The following NRDE2 variants were observed in gnomAD, a reference collection of about 807,000 sequenced individuals.
NRDE2 encodes nuclear exosome regulator NRDE2.
NRDE2 carries 76 observed loss-of-function variants against 124.2 expected under a neutral mutation model. The observed-to-expected ratio is 0.61, with a 90% CI of 0.51 to 0.74. The LOEUF (loss-of-function observed/expected upper bound fraction) is 0.74, where lower values mean the gene tolerates loss of function less well. Among genes scored for constraint, NRDE2 ranks in the 30% least tolerant of loss-of-function variants. NRDE2 has a pLI of 0.00. For missense variants in NRDE2, 1,314 were observed against 1,417.3 expected, an observed-to-expected ratio of 0.93 and a Z score of 1.17; for synonymous variants, 489 against 528.1, an observed-to-expected ratio of 0.93 and a Z score of 1.01.
rs550373516 is a variant in NRDE2 at position 90,268,562 on chromosome 14, C to CA, written c.*9773dup. 1,108 of 713,896 alleles carry CA rather than the reference C, an allele frequency of 1.6e-3. 25 individuals are homozygous for CA. The South Asian group carries it at 0.02, about 13-fold the overall frequency. The allele number at this position is 713,896 out of a possible 1,614,324, so 44.2% of individuals were successfully genotyped here. On this transcript the variant is annotated 3_prime_UTR_variant, in exon 14 of 14. Coordinates refer to ENST00000354366, the MANE Select transcript of NRDE2 (RefSeq NM_017970.4). ...ATGCATGCTTTAGGCTCTGCTCTCCCAGGAGCCAGCTAACAACTGCCCAGT... is the reference window on the plus strand; with the variant it reads ...ATGCATGCTTTAGGCTCTGCTCTCCCAAGGAGCCAGCTAACAACTGCCCAGT...
chr14:90,320,095 T>C (rs1885188384), intron 1 of NRDE2, among the ~76,000 whole-genome samples: 1 of 152,236 alleles, frequency 6.6e-6, no homozygotes. Flanking sequence ...TTTCATGTGT[T>C]TATTAGCCAT....
At chr14:90,309,472 CAAAAAAAAAA>C (rs746289824) in intron 4 of NRDE2, among the ~76,000 whole-genome samples, 164 of 110,760 alleles carry the variant, frequency 1.5e-3, no homozygotes, top group Middle Eastern at 4.7e-3. Context: ...GACTCTGTCT[CAAAAAAAAAA>C]AAAAAAAAGA....
intron 1 of NRDE2, among the ~76,000 whole-genome samples, chr14:90,322,854 T>A (rs900417666): frequency 5.3e-5 from 8 of 152,250 alleles, no homozygotes; most frequent in African/African-American, 1.9e-4. Context: ...AACAGTTACA[T>A]CCTCACATAA....
At chr14:90,331,618 G>C (rs1261641086) in intron 1 of NRDE2, among the ~76,000 whole-genome samples, 1 of 152,190 alleles carries the variant, frequency 6.6e-6, no homozygotes, top group African/African-American at 2.4e-5. Flanking sequence ...GGCATCTGCT[G>C]GTCTTTCTCC....
chr14:90,291,776 A>G (rs952180117), intron 9 of NRDE2, among the ~76,000 whole-genome samples: 2 of 152,132 alleles, frequency 1.3e-5, no homozygotes, highest in African/African-American at 4.8e-5. Flanking sequence ...CGCTCCTGGC[A>G]CTCTGGGGCC....
At position 90,271,601 on chromosome 14, in the gene NRDE2, TG is replaced by T. The variant is rs1444580998; in HGVS notation, c.*6734del. ...ATAAGTAAATGAAATAGACATATAC[TG>T]TCAATTGCCTCTAAGTTTCAGGGCA... On this transcript the variant is annotated 3_prime_UTR_variant, in exon 14 of 14. Transcript: ENST00000354366. 1.3e-5 allele frequency: 2 copies of T among 152,230 alleles called. No individual in the cohort carries two copies. The highest frequency in any genetic ancestry group is 2.9e-5 in the Non-Finnish European group (2 of 68,052). 9.4% of individuals were successfully genotyped at this position (152,230 alleles called of 1,614,324 possible). A position where few individuals can be genotyped will look rare whatever the true frequency, so the allele number is the denominator to read the frequency against.
At chr14:90,284,339 G>A (rs1278168550) in intron 12 of NRDE2, among the ~76,000 whole-genome samples, 1 of 148,130 alleles carries the variant, frequency 6.8e-6, no homozygotes, top group Non-Finnish European at 1.5e-5. Flanking sequence ...AGGTCACTTT[G>A]TTTTTTTTCT....
chr14:90,314,146 A>G (rs1884956156), intron 3 of NRDE2, among the ~76,000 whole-genome samples: 1 of 152,190 alleles, frequency 6.6e-6, no homozygotes, highest in African/African-American at 2.4e-5. Flanking sequence ...AGCTGCCTCC[A>G]CCTGAAGGTG....
chr14:90,322,332 C>T (rs1459284747), intron 1 of NRDE2, among the ~76,000 whole-genome samples: 2 of 152,198 alleles, frequency 1.3e-5, no homozygotes, highest in Non-Finnish European at 2.9e-5. Context: ...CTCCCCTCCT[C>T]CCACCTGTCA....
At chr14:90,280,494 T>C (rs190830600) in intron 12 of NRDE2, 113 of 152,388 alleles carry the variant, frequency 7.4e-4, no homozygotes, top group East Asian at 1.4e-3. Flanking sequence ...ACTGACAAAA[T>C]GTAACAACCA....
rs1288134187 is a variant in NRDE2 at position 90,274,837 on chromosome 14, CA to C, written c.*3498del. The C allele has an allele frequency of 0.047, 3,149 of 67,178 alleles. 65 individuals are homozygous for C. Among genetic ancestry groups the C allele is most frequent in the Middle Eastern group, 0.12 (10 of 82 alleles). 4.2% of individuals were successfully genotyped at this position (67,178 alleles called of 1,614,324 possible). A position where few individuals can be genotyped will look rare whatever the true frequency, so the allele number is the denominator to read the frequency against. ...ACACACACACACACACACACACACA[CA>C]CCCCAATACATATGAATTGATCTGA... On this transcript the variant is annotated 3_prime_UTR_variant, in exon 14 of 14. Transcript: ENST00000354366.
At chr14:90,289,350 G>A (rs533860538) in intron 10 of NRDE2, among the ~76,000 whole-genome samples, 78 of 152,278 alleles carry the variant, frequency 5.1e-4, no homozygotes, top group African/African-American at 1.8e-3. Context: ...TATAATCCAG[G>A]GTTCCAGCTG....
intron 3 of NRDE2, among the ~76,000 whole-genome samples, chr14:90,313,119 ATTTTTTTTTTTTTT>A (rs1207268681): frequency 2.9e-5 from 3 of 102,264 alleles, no homozygotes; most frequent in African/African-American, 1.2e-4. Context: ...TCTCAGCCTC[ATTTTTTTTTTTTTT>A]TTTTTTTTTT....
At chr14:90,290,095 G>C in intron 10 of NRDE2, 126 bp downstream of exon 10, 6 of 1,000,634 alleles carry the variant, frequency 6.0e-6, no homozygotes, top group Non-Finnish European at 8.7e-6. Context: ...GTGCCTTCAG[G>C]GTCACTGGAG....
rs1272909314 is a variant in NRDE2 at position 90,269,592 on chromosome 14, A to G, written c.*8744T>C. 7 of 1,590,322 alleles carry G rather than the reference A, an allele frequency of 4.4e-6. No homozygotes were observed. The highest frequency in any genetic ancestry group is 2.3e-5 in the South Asian group (2 of 88,358). The stretch of plus-strand genomic sequence containing the variant: ...TCATCATGGAGATTAATGTGTTTAT[A>G]TATTTGTGTTTAAGTGTGCTTTGGG... On this transcript the variant is annotated 3_prime_UTR_variant, in exon 14 of 14. Transcript: ENST00000354366.
At chr14:90,298,045 A>G (rs774911335) in intron 8 of NRDE2, among the ~76,000 whole-genome samples, 1 of 152,206 alleles carries the variant, frequency 6.6e-6, no homozygotes, top group Non-Finnish European at 1.5e-5. Context: ...GAAACTTTCA[A>G]ATCCTCAAAG....
chr14:90,290,433 C>T lies in NRDE2; in HGVS notation c.2017G>A (p.Asp673Asn), dbSNP rs773313077. 6.2e-7 allele frequency: 1 copy of T among 1,613,942 alleles called. No homozygotes were observed. Among genetic ancestry groups the T allele is most frequent in the African/African-American group, 1.3e-5 (1 of 74,908 alleles). Residue 673 changes from aspartate to asparagine, a missense_variant, in exon 10 of 14, where the codon GAT becomes AAT. Coordinates refer to ENST00000354366, the MANE Select transcript of NRDE2 (RefSeq NM_017970.4). The stretch of plus-strand genomic sequence containing the variant: ...TTGAAAAAAGTCAAGGGCTTTTCAT[C>T]ATAAAGTCCATTATCAAAGATGCTG... ...ENSIFDNGLY[D>N]EKPLTFFNPL...
Position 90,303,004 on chromosome 14 carries a change from C to T in NRDE2, c.1127G>A (p.Ser376Asn). 6.2e-7 allele frequency: 1 copy of T among 1,614,036 alleles called. No individual in the cohort carries two copies. Among genetic ancestry groups the T allele is most frequent in the Non-Finnish European group, 8.5e-7 (1 of 1,180,030 alleles). Reference sequence around the variant, plus strand: ...TTTCAGATCCACACTGCTCTGGTTGCTCTCAATGGCCCGCTCCAGAATGGC... The same window carrying T: ...TTTCAGATCCACACTGCTCTGGTTGTTCTCAATGGCCCGCTCCAGAATGGC... ...KLAILERAIE[S>N]NQSSVDLKLA... The change falls in exon 6 of 14, where the codon AGC (serine) becomes AAC (asparagine). Residue 376 changes from serine to asparagine, a missense_variant. Ser to Asn is a conservative substitution (Grantham distance 46). Transcript: ENST00000354366.
chr14:90,299,359 A>G (rs1884303466), intron 7 of NRDE2, among the ~76,000 whole-genome samples: 1 of 151,604 alleles, frequency 6.6e-6, no homozygotes. Context: ...AAAGGTCTGC[A>G]TTTTAAAGCC....
Sources: gnomAD v4.1 joint callset for allele counts (sites outside exome capture counted in the v4.1 genomes callset) on GRCh38, gnomAD v4.1.1 for gene constraint, MANE v1.5 for transcripts, NCBI Gene and HGNC (gene_info 2026-07-23, HGNC 2026-07-21) for gene names.